LOXL2: variants seen among roughly 807,000 people sequenced by gnomAD.
LOXL2 encodes lysyl oxidase like 2, also known as lysyl oxidase homolog 2.
Under a neutral mutation model 93.0 loss-of-function variants are expected in LOXL2, and 70 were observed. The ratio of observed to expected loss-of-function variants is 0.75; its 90% CI spans 0.62 to 0.92. The LOEUF is 0.92. Among genes scored for constraint, LOXL2 ranks in the 40% least tolerant of loss-of-function variants. The pLI is 0.00. For synonymous variants in LOXL2, 438 were observed against 413.2 expected (o/e 1.06, Z -0.73); for missense variants, 973 against 1,054.9 (o/e 0.92, Z 1.08).
At chr8:23,389,130 C>T (rs1585383287) in intron 1 of LOXL2, among the ~76,000 whole-genome samples, 1 of 152,052 alleles carries the variant, frequency 6.6e-6, no homozygotes, top group Non-Finnish European at 1.5e-5. Context: ...TTCATGAAGC[C>T]TCACTTAATT....
rs570554467 is a variant in LOXL2, at chr8:23,335,309, C to T, written c.744-1686G>A. The stretch of plus-strand genomic sequence containing the variant: ...AAGTCCTGACCTCTGGTGATCTGGC[C>T]ACCTCTGCCTCCCAAAGTGCTGGGA... On this transcript the variant is annotated intron_variant, in intron 4 of 13. Coordinates refer to ENST00000389131, the MANE Select transcript of LOXL2 (RefSeq NM_002318.3). Among the ~76,000 whole-genome samples the T allele has an allele frequency of 2.6e-5, 4 of 152,122 alleles. No homozygotes were observed. The South Asian group carries it at 8.3e-4, about 32-fold the overall frequency.
chr8:23,328,660 C>T lies in LOXL2; in HGVS notation c.967-95G>A, dbSNP rs1803627284. The T allele has an allele frequency of 4.1e-6, 5 of 1,205,960 alleles. No individual in the cohort carries two copies. In the East Asian group the frequency reaches 1.2e-4, roughly 28 times the overall value. 74.7% of individuals were successfully genotyped at this position (1,205,960 alleles called of 1,614,324 possible). ...CCCCTCCCTTCCCTGCCACCCTGTT[C>T]CCAGGCCAGGCACTCAGTCTGGGAG... is the stretch of plus-strand genomic sequence containing the variant. On this transcript the variant is annotated intron_variant, in intron 5 of 13. Transcript: ENST00000389131.
rs888457046 is a variant in LOXL2 at position 23,375,117 on chromosome 8, T to C, written c.-83-6683A>G. Among the ~76,000 whole-genome samples, 17 of 152,256 alleles carry C rather than the reference T, an allele frequency of 1.1e-4. 3 individuals are homozygous for C. Among genetic ancestry groups the C allele is most frequent in the African/African-American group, 1.7e-4 (7 of 41,530 alleles). On this transcript the variant is annotated intron_variant, in intron 1 of 13. Transcript: ENST00000389131. ...GTCTTTAATCCATCTTGAATTAATT[T>C]TTGTATAAGGTGTAACGAAGGGATC... is the stretch of plus-strand genomic sequence containing the variant.
intron 1 of LOXL2, among the ~76,000 whole-genome samples, chr8:23,397,315 G>A (rs1439896440): frequency 2.6e-5 from 4 of 152,168 alleles, no homozygotes; most frequent in Admixed American, 1.3e-4. Flanking sequence ...CACACTTAAC[G>A]CCACTGCACT....
chr8:23,309,996 C>T (rs1383296023), intron 9 of LOXL2, 85 bp from the exon 10 acceptor site: 2 of 1,358,918 alleles, frequency 1.5e-6, no homozygotes, highest in Non-Finnish European at 1.9e-6. Context: ...GGACAAACCC[C>T]CTCTCCTGCC....
At chr8:23,359,438 A>G (rs1213423816) in intron 3 of LOXL2, among the ~76,000 whole-genome samples, 1 of 152,164 alleles carries the variant, frequency 6.6e-6, no homozygotes, top group Non-Finnish European at 1.5e-5. Context: ...GAGGCCACTC[A>G]GGCAGCCTAC....
At chr8:23,383,850 C>A (rs953076493) in intron 1 of LOXL2, among the ~76,000 whole-genome samples, 9 of 151,542 alleles carry the variant, frequency 5.9e-5, no homozygotes, top group African/African-American at 2.2e-4. Context: ...TTAGTAGAGA[C>A]GGGGTTTCAC....
At chr8:23,307,680 C>T (rs745388549) in intron 10 of LOXL2, among the ~76,000 whole-genome samples, 5 of 152,252 alleles carry the variant, frequency 3.3e-5, no homozygotes, top group South Asian at 2.1e-4. Flanking sequence ...CGTCAGCCCC[C>T]GCCGCCCAGG....
chr8:23,340,613 C>T (rs1803866478), intron 4 of LOXL2, among the ~76,000 whole-genome samples: 1 of 152,208 alleles, frequency 6.6e-6, no homozygotes, highest in Non-Finnish European at 1.5e-5. Context: ...TTGGTGTTGT[C>T]TGTGCCCAGC....
chr8:23,400,622 C>A (rs1306308779), intron 1 of LOXL2, among the ~76,000 whole-genome samples: 2 of 152,120 alleles, frequency 1.3e-5, no homozygotes, highest in Non-Finnish European at 2.9e-5. Flanking sequence ...AGCCTATATA[C>A]CCCTACTTCT....
At chr8:23,324,472 G>C (rs144228510) in intron 6 of LOXL2, among the ~76,000 whole-genome samples, 1 of 152,146 alleles carries the variant, frequency 6.6e-6, no homozygotes, top group African/African-American at 2.4e-5. Context: ...AAGAGGCTCC[G>C]AAGGACACTG....
At position 23,297,744 on chromosome 8, in the gene LOXL2, C is replaced by T. The variant is rs920902082; in HGVS notation, c.*299G>A. On this transcript the variant is annotated 3_prime_UTR_variant, in exon 14 of 14. Transcript: ENST00000389131. ...TGGCTTGAATGGGACAAGCTGATGA[C>T]AACCTGTCTGTGGGCCTCATCCCGG... The T allele has an allele frequency of 6.2e-6, 2 of 321,112 alleles. No homozygotes were observed. The highest frequency in any genetic ancestry group is 9.2e-5 in the Admixed American group (2 of 21,646). 19.9% of individuals were successfully genotyped at this position (321,112 alleles called of 1,614,324 possible). A position where few individuals can be genotyped will look rare whatever the true frequency, so the allele number is the denominator to read the frequency against.
intron 2 of LOXL2, 92 bp from the exon 3 acceptor site, chr8:23,360,357 T>G: frequency 1.1e-6 from 1 of 949,834 alleles, no homozygotes; most frequent in Non-Finnish European, 1.5e-6. Flanking sequence ...GAAAGAGAAT[T>G]TTTCTCTAAT....
At chr8:23,351,322 C>G (rs777025394) in intron 3 of LOXL2, among the ~76,000 whole-genome samples, 8 of 152,198 alleles carry the variant, frequency 5.3e-5, no homozygotes, top group Non-Finnish European at 8.8e-5. Flanking sequence ...GTCACATCAC[C>G]AGACCTCCCT....
rs565228481 is a variant in LOXL2, at chr8:23,360,008, T to C, written c.531+82A>G. The C allele has an allele frequency of 1.3e-5, 17 of 1,328,326 alleles. No individual in the cohort carries two copies. In the Middle Eastern group the frequency reaches 7.4e-4, roughly 58 times the overall value. The allele number at this position is 1,328,326 out of a possible 1,614,324, so 82.3% of individuals were successfully genotyped here. A position where few individuals can be genotyped will look rare whatever the true frequency, so the allele number is the denominator to read the frequency against. On this transcript the variant is annotated intron_variant, in intron 3 of 13. Transcript: ENST00000389131. The stretch of plus-strand genomic sequence containing the variant: ...CCTCCTTCCTGCTCACACACACTTC[T>C]TGAAATCAATACGCAAAAAGCGAGT...
intron 4 of LOXL2, among the ~76,000 whole-genome samples, chr8:23,338,420 T>TG (rs1022503267): frequency 6.4e-5 from 7 of 109,824 alleles, no homozygotes; most frequent in African/African-American, 2.4e-4. Context: ...AGCAGCGGGG[T>TG]GGGGGGGCCC....
At chr8:23,370,067 A>G (rs1473872241) in intron 1 of LOXL2, among the ~76,000 whole-genome samples, 2 of 152,126 alleles carry the variant, frequency 1.3e-5, no homozygotes, top group Non-Finnish European at 2.9e-5. Context: ...ATCCCATATA[A>G]AAAGTCCTGG....
At chr8:23,359,445 C>A (rs1434201787) in intron 3 of LOXL2, among the ~76,000 whole-genome samples, 1 of 152,146 alleles carries the variant, frequency 6.6e-6, no homozygotes, top group Non-Finnish European at 1.5e-5. Context: ...CTCAGGCAGC[C>A]TACGAAGAGG....
rs752408071 is a variant in LOXL2, at chr8:23,302,091, C to T, written c.2069G>A (p.Arg690His). ...GITMGCWDMY[R>H]HDIDCQWVDI... ...AACCCACTGGCAGTCGATGTCATGGCGGTACATGTCCCAGCAGCCCATGGT... is the reference window on the plus strand; with the variant it reads ...AACCCACTGGCAGTCGATGTCATGGTGGTACATGTCCCAGCAGCCCATGGT... The change falls in exon 12 of 14, where the codon CGC (arginine) becomes CAC (histidine). Residue 690 changes from arginine (R) to histidine (H), a missense_variant. Transcript: ENST00000389131. The T allele has an allele frequency of 3.0e-5, 49 of 1,614,126 alleles. No individual in the cohort carries two copies. The highest frequency in any genetic ancestry group is 1.1e-4 in the South Asian group (10 of 91,074).
Sources: gnomAD v4.1 joint callset for allele counts (sites outside exome capture counted in the v4.1 genomes callset) on GRCh38, gnomAD v4.1.1 for gene constraint, MANE v1.5 for transcripts, NCBI Gene and HGNC (gene_info 2026-07-23, HGNC 2026-07-21) for gene names.